SDK1: variants seen among roughly 807,000 people sequenced by gnomAD.
SDK1 encodes the protein sidekick cell adhesion molecule 1, also known as protein sidekick-1.
In SDK1, 157 loss-of-function variants were observed where a neutral mutation model predicts 245.5. The observed-to-expected ratio is 0.64, with a 90% confidence interval of 0.56 to 0.73. The LOEUF (loss-of-function observed/expected upper bound fraction) is 0.73. SDK1 is among the 30% of genes least tolerant of loss of function. SDK1 has a pLI of 0.00. For missense variants in SDK1, 3,583 were observed against 3,002.3 expected, an observed-to-expected ratio of 1.19 and a Z score of -4.52; for synonymous variants, 1,647 against 1,278.5, an observed-to-expected ratio of 1.29 and a Z score of -6.15.
intron 5 of SDK1, among the ~76,000 whole-genome samples, chr7:3,930,276 C>T (rs1183252685): frequency 6.6e-6 from 1 of 152,192 alleles, no homozygotes; most frequent in Non-Finnish European, 1.5e-5. Context: ...ATGCCCTTTT[C>T]TTCGAATAAC....
intron 44 of SDK1, 35 bp from the exon 45 acceptor site, chr7:4,265,089 C>A (rs1225670319): frequency 6.3e-7 from 1 of 1,597,064 alleles, no homozygotes; most frequent in South Asian, 1.1e-5. Context: ...CTGCGCCCTG[C>A]CCTGCACTCA....
intron 1 of SDK1, among the ~76,000 whole-genome samples, chr7:3,512,641 C>T (rs1782620143): frequency 6.6e-6 from 1 of 152,144 alleles, no homozygotes; most frequent in African/African-American, 2.4e-5. Context: ...TGGATTTTGG[C>T]CATTCTAGTG....
chr7:4,077,555 C>A (rs979628562), intron 21 of SDK1, among the ~76,000 whole-genome samples: 4 of 152,086 alleles, frequency 2.6e-5, no homozygotes, highest in African/African-American at 9.7e-5. Context: ...AAAGACATAC[C>A]CGAGACTGGG....
Position 3,796,726 on chromosome 7 carries a change from G to T in SDK1, c.714-24724G>T, listed in dbSNP as rs577457089. The stretch of plus-strand genomic sequence containing the variant: ...TGATTTGTTTCTTTTGATTATTAAG[G>T]CTGAGTATTTTTCAAATATGCAGTA... On this transcript the variant is annotated intron_variant, in intron 4 of 44. Coordinates refer to ENST00000404826, the MANE Select transcript of SDK1 (RefSeq NM_152744.4). Among the ~76,000 whole-genome samples the T allele has an allele frequency of 7.8e-4, 119 of 152,280 alleles. 3 individuals carry two copies. The South Asian group carries it at 0.023, about 29-fold the overall frequency.
rs114371795 is a variant in SDK1, at chr7:4,206,368, G to A, written c.5214+374G>A. Reference sequence around the variant, plus strand: ...GGCTGACTATAAAAGAACATGGGGCGCCTGGAAGAGACCAGGCTCCCCATC... The same window carrying A: ...GGCTGACTATAAAAGAACATGGGGCACCTGGAAGAGACCAGGCTCCCCATC... On this transcript the variant is annotated intron_variant, in intron 36 of 44. Transcript: ENST00000404826. 6.7e-3 allele frequency among the ~76,000 whole-genome samples: 1,023 copies of A among 152,274 alleles called. 7 individuals are homozygous for A. Among genetic ancestry groups the A allele is most frequent in the African/African-American group, 0.02 (847 of 41,536 alleles).
chr7:4,178,108 T>G (rs1287617518), intron 34 of SDK1, among the ~76,000 whole-genome samples: 1 of 152,216 alleles, frequency 6.6e-6, no homozygotes, highest in African/African-American at 2.4e-5. Context: ...TCAATACCAG[T>G]GAAGCTTTGC....
At chr7:3,689,189 C>T (rs192137726) in intron 4 of SDK1, among the ~76,000 whole-genome samples, 38 of 152,292 alleles carry the variant, frequency 2.5e-4, no homozygotes, top group Non-Finnish European at 2.4e-4. Flanking sequence ...TTGCCACCCT[C>T]TTTCCTAAGA....
At chr7:3,489,406 G>A (rs990134805) in intron 1 of SDK1, among the ~76,000 whole-genome samples, 1 of 152,170 alleles carries the variant, frequency 6.6e-6, no homozygotes, top group African/African-American at 2.4e-5. Context: ...CTGCAGCGCT[G>A]AAAATTATTA....
At chr7:3,464,698 G>GTGTATATATATA (rs1554275277) in intron 1 of SDK1, among the ~76,000 whole-genome samples, 2 of 148,050 alleles carry the variant, frequency 1.4e-5, no homozygotes, top group African/African-American at 5.1e-5. Context: ...GTGTATGTAT[G>GTGTATATATATA]TATATATATA....
At chr7:3,964,385 C>T (rs1781932393) in intron 9 of SDK1, among the ~76,000 whole-genome samples, 1 of 152,212 alleles carries the variant, frequency 6.6e-6, no homozygotes, top group Non-Finnish European at 1.5e-5. Context: ...AGAAAAAACT[C>T]CCTTATTTTC....
intron 5 of SDK1, among the ~76,000 whole-genome samples, chr7:3,907,036 G>A (rs186462037): frequency 3.9e-5 from 6 of 152,096 alleles, no homozygotes; most frequent in East Asian, 1.9e-4. Context: ...AGAATCTTAC[G>A]TCCTTGTAGC....
At chr7:3,473,186 A>G (rs1226049276) in intron 1 of SDK1, among the ~76,000 whole-genome samples, 1 of 152,214 alleles carries the variant, frequency 6.6e-6, no homozygotes, top group African/African-American at 2.4e-5. Context: ...CAAACCAGTG[A>G]ACTAATTTAC....
intron 17 of SDK1, among the ~76,000 whole-genome samples, chr7:4,034,152 C>T (rs1159975918): frequency 6.6e-6 from 1 of 152,178 alleles, no homozygotes; most frequent in Non-Finnish European, 1.5e-5. Flanking sequence ...ATCAGATGGA[C>T]TCAAACTAGG....
intron 5 of SDK1, among the ~76,000 whole-genome samples, chr7:3,927,751 G>A (rs900454420): frequency 2.6e-5 from 4 of 152,164 alleles, no homozygotes; most frequent in South Asian, 2.1e-4. Context: ...AAATAATGTC[G>A]TCAAATTTCA....
At chr7:3,567,202 A>C (rs1437313553) in intron 1 of SDK1, among the ~76,000 whole-genome samples, 2 of 152,146 alleles carry the variant, frequency 1.3e-5, no homozygotes, top group African/African-American at 2.4e-5. Flanking sequence ...TTATCTACTT[A>C]AGGAGAACAG....
In SDK1 at chr7:3,633,513, T is replaced by C. The variant is rs114995107; in HGVS notation, c.459-5491T>C. Among the ~76,000 whole-genome samples the C allele has an allele frequency of 2.5e-3, 388 of 152,290 alleles. 2 individuals carry two copies. Among genetic ancestry groups the C allele is most frequent in the African/African-American group, 8.9e-3 (368 of 41,566 alleles). On this transcript the variant is annotated intron_variant, in intron 2 of 44. Coordinates refer to ENST00000404826, the MANE Select transcript of SDK1 (RefSeq NM_152744.4). ...GGCTCATACTCAAGAGAACTTCTTA[T>C]AACAGGTAAATGTGTCCCAGTTTAA...
chr7:3,726,251 C>A, intron 4 of SDK1, among the ~76,000 whole-genome samples: 1 of 152,240 alleles, frequency 6.6e-6, no homozygotes. Flanking sequence ...GATTGACACA[C>A]ACTGTTTTTA....
chr7:3,648,218 C>A (rs192152792), intron 4 of SDK1, among the ~76,000 whole-genome samples: 17 of 152,070 alleles, frequency 1.1e-4, no homozygotes, highest in Middle Eastern at 3.4e-3. Flanking sequence ...ATATCGATGC[C>A]ATGCTGTACT....
intron 1 of SDK1, among the ~76,000 whole-genome samples, chr7:3,392,718 T>TA (rs1387455548): frequency 2.6e-5 from 4 of 152,150 alleles, no homozygotes; most frequent in African/African-American, 9.7e-5. Flanking sequence ...TATCTTTTTT[T>TA]ACCTAACTTA....
Sources: gnomAD v4.1 joint callset for allele counts (sites outside exome capture counted in the v4.1 genomes callset) on GRCh38, gnomAD v4.1.1 for gene constraint, MANE v1.5 for transcripts, NCBI Gene and HGNC (gene_info 2026-07-23, HGNC 2026-07-21) for gene names.